Variants in GPC5 observed in about 807,000 individuals in gnomAD.
GPC5 encodes glypican-5.
Under a neutral mutation model 53.9 loss-of-function variants are expected in GPC5, and 47 were observed. That is an observed-to-expected ratio of 0.87 (90% CI 0.69 to 1.11). The LOEUF (loss-of-function observed/expected upper bound fraction) is 1.11, where lower values mean the gene tolerates loss of function less well. GPC5 is among the 50% of genes most tolerant of loss of function. The probability of loss-of-function intolerance (pLI) is 0.00; values close to 1 mark genes in which losing one functional copy is unlikely to be tolerated. For missense variants in GPC5, 748 were observed against 713.1 expected (o/e 1.05, Z -0.56); for synonymous variants, 286 against 263.3 (o/e 1.09, Z -0.84).
rs367816378 is a variant in GPC5, at chr13:92,490,271, C to T, written c.1561+345282C>T. 5.5e-4 allele frequency: 85 copies of T among 154,100 alleles called. 1 individual carries two copies. In the South Asian group the frequency reaches 0.015, roughly 27 times the overall value. 9.5% of individuals were successfully genotyped at this position (154,100 alleles called of 1,614,324 possible). A position where few individuals can be genotyped will look rare whatever the true frequency, so the allele number is the denominator to read the frequency against. The stretch of plus-strand genomic sequence containing the variant: ...TTATCGTCTAGATTCTGCCACTTTT[C>T]ATTGTATTATTATATCTATTTTTTC... On this transcript the variant is annotated intron_variant, in intron 7 of 7. Coordinates refer to ENST00000377067, the MANE Select transcript of GPC5 (RefSeq NM_004466.6).
intron 3 of GPC5, among the ~76,000 whole-genome samples, chr13:91,697,832 A>G (rs2035911584): frequency 6.6e-6 from 1 of 152,116 alleles, no homozygotes; most frequent in African/African-American, 2.4e-5. Flanking sequence ...GATGTTCTAA[A>G]CAGAACAAAT....
At chr13:92,356,577 T>C (rs968139556) in intron 7 of GPC5, among the ~76,000 whole-genome samples, 2 of 152,170 alleles carry the variant, frequency 1.3e-5, no homozygotes, top group African/African-American at 4.8e-5. Context: ...AAAAGATTTG[T>C]TGATGGATTG....
At chr13:92,661,335 TG>T (rs1435825276) in intron 7 of GPC5, among the ~76,000 whole-genome samples, 3 of 147,826 alleles carry the variant, frequency 2.0e-5, no homozygotes, top group African/African-American at 4.9e-5. Flanking sequence ...TGGAGAAATT[TG>T]AAAAAAAAAA....
intron 2 of GPC5, among the ~76,000 whole-genome samples, chr13:91,539,709 G>A (rs1367381077): frequency 6.6e-6 from 1 of 151,856 alleles, no homozygotes; most frequent in Non-Finnish European, 1.5e-5. Flanking sequence ...AAAGAAAAAA[G>A]CAAAGCCCCT....
In GPC5 at chr13:91,650,750, G is replaced by GTTTTTTTTTTTTTTTTTTTTTTT. The variant is rs67507888; in HGVS notation, c.326-42415_326-42414insTTTTTTTTTTTTTTTTTTTTTTT. ...CATCTGTGAAACAAAATTCCCATAA[G>GTTTTTTTTTTTTTTTTTTTTTTT]TTTTTTTTTTTTTTTTTTTTTTAGC... On this transcript the variant is annotated intron_variant, in intron 2 of 7. Transcript: ENST00000377067. 9.7e-4 allele frequency among the ~76,000 whole-genome samples: 97 copies of GTTTTTTTTTTTTTTTTTTTTTTT among 99,576 alleles called. 5 individuals are homozygous for GTTTTTTTTTTTTTTTTTTTTTTT. Among genetic ancestry groups the GTTTTTTTTTTTTTTTTTTTTTTT allele is most frequent in the South Asian group, 1.9e-3 (5 of 2,596 alleles). The allele number at this position is 99,576 out of a possible 152,430, so 65.3% of individuals were successfully genotyped here. A position where few individuals can be genotyped will look rare whatever the true frequency, so the allele number is the denominator to read the frequency against.
At position 91,497,070 on chromosome 13, in the gene GPC5, G is replaced by A. The variant is rs1164141652; in HGVS notation, c.325+48148G>A. ...AATATGCTTTTTTCCTGTCCTCTAA[G>A]TTGTTTTTTTTTAAAGATATTTAAA... On this transcript the variant is annotated intron_variant, in intron 2 of 7. Transcript: ENST00000377067. Among the ~76,000 whole-genome samples the A allele has an allele frequency of 2.0e-5, 3 of 151,144 alleles. No individual in the cohort carries two copies. The East Asian group carries it at 5.8e-4, about 29-fold the overall frequency.
chr13:92,807,505 T>C (rs1376110654), intron 7 of GPC5, among the ~76,000 whole-genome samples: 2 of 152,074 alleles, frequency 1.3e-5, no homozygotes, highest in African/African-American at 4.8e-5. Context: ...GCAAGATTCC[T>C]TGCATTATTC....
intron 2 of GPC5, among the ~76,000 whole-genome samples, chr13:91,516,119 C>T (rs953930119): frequency 2.0e-5 from 3 of 152,094 alleles, no homozygotes; most frequent in Non-Finnish European, 4.4e-5. Flanking sequence ...GGGACACAGC[C>T]AAACTATGTC....
chr13:92,221,924 C>T (rs1302048877), intron 7 of GPC5, among the ~76,000 whole-genome samples: 1 of 152,168 alleles, frequency 6.6e-6, no homozygotes, highest in African/African-American at 2.4e-5. Context: ...AGACTTTCTA[C>T]TGTTAGTATT....
chr13:91,880,568 C>G (rs2039253074), intron 5 of GPC5, among the ~76,000 whole-genome samples: 1 of 151,756 alleles, frequency 6.6e-6, no homozygotes, highest in Non-Finnish European at 1.5e-5. Flanking sequence ...AAATATGTCC[C>G]ATCAATTTAG....
chr13:91,759,166 C>T (rs1176171570), intron 5 of GPC5, among the ~76,000 whole-genome samples: 2 of 152,046 alleles, frequency 1.3e-5, no homozygotes, highest in African/African-American at 4.8e-5. Context: ...AATTCTGTGT[C>T]TTTTGACTTA....
chr13:92,197,875 A>T (rs2042268585), intron 7 of GPC5, among the ~76,000 whole-genome samples: 2 of 151,948 alleles, frequency 1.3e-5, no homozygotes, highest in Non-Finnish European at 2.9e-5. Context: ...ACTCCGTATG[A>T]TACCCTACTT....
At chr13:91,423,329 G>T (rs960815511) in intron 1 of GPC5, among the ~76,000 whole-genome samples, 2 of 151,946 alleles carry the variant, frequency 1.3e-5, no homozygotes, top group African/African-American at 4.8e-5. Context: ...TTATTGAAAT[G>T]GTATATATTT....
At chr13:91,981,779 G>A (rs1220089581) in intron 6 of GPC5, among the ~76,000 whole-genome samples, 1 of 152,078 alleles carries the variant, frequency 6.6e-6, no homozygotes, top group Non-Finnish European at 1.5e-5. Flanking sequence ...TTCATAGTTG[G>A]GACATTTAAT....
intron 2 of GPC5, among the ~76,000 whole-genome samples, chr13:91,521,917 C>T (rs554263856): frequency 4.3e-4 from 65 of 152,218 alleles, no homozygotes; most frequent in African/African-American, 1.5e-3. Context: ...TACTTGGGTT[C>T]GATTAATTTG....
chr13:91,854,353 G>A (rs1384329687), intron 5 of GPC5, among the ~76,000 whole-genome samples: 1 of 151,620 alleles, frequency 6.6e-6, no homozygotes, highest in East Asian at 1.9e-4. Flanking sequence ...GGAAAATTGG[G>A]TCTGCATCCC....
chr13:92,017,663 G>A (rs1198224670), intron 6 of GPC5, among the ~76,000 whole-genome samples: 1 of 152,088 alleles, frequency 6.6e-6, no homozygotes, highest in African/African-American at 2.4e-5. Context: ...TATAATCAGT[G>A]CACAGTGCCT....
intron 7 of GPC5, among the ~76,000 whole-genome samples, chr13:92,290,019 A>G (rs1019015318): frequency 5.3e-5 from 8 of 152,162 alleles, no homozygotes; most frequent in Non-Finnish European, 1.2e-4. Context: ...TAAAAAATAT[A>G]CACTATGCAC....
In GPC5 at chr13:92,525,668, A is replaced by G. The variant is rs548357140; in HGVS notation, c.1562-340614A>G. On this transcript the variant is annotated intron_variant, in intron 7 of 7. Coordinates refer to ENST00000377067, the MANE Select transcript of GPC5 (RefSeq NM_004466.6). Reference sequence around the variant, plus strand: ...AGGGACTACTGCAAAAGATAAGGACAGTTTCTGTCAGAGCAGACAGTCATT... The same window carrying G: ...AGGGACTACTGCAAAAGATAAGGACGGTTTCTGTCAGAGCAGACAGTCATT... 9.0e-4 allele frequency among the ~76,000 whole-genome samples: 137 copies of G among 152,158 alleles called. 1 individual carries two copies. The highest frequency in any genetic ancestry group is 3.1e-3 in the African/African-American group (130 of 41,558).
Sources: allele counts gnomAD v4.1 joint callset (sites outside exome capture counted in the v4.1 genomes callset), GRCh38; gene constraint gnomAD v4.1.1; transcripts MANE v1.5; gene names NCBI Gene and HGNC (gene_info 2026-07-23, HGNC 2026-07-21).